Variants in ASH1L observed in about 807,000 individuals in gnomAD.
ASH1L encodes the protein histone-lysine N-methyltransferase ASH1L.
Under a neutral mutation model 269.0 loss-of-function variants are expected in ASH1L, and 23 were observed. The ratio of observed to expected loss-of-function variants is 0.09; its 90% CI spans 0.06 to 0.12. The LOEUF is 0.12. Ranked by LOEUF, ASH1L falls within the 10% of genes least tolerant of loss-of-function variation. ASH1L has a pLI of 1.00. For missense variants in ASH1L, 2,912 were observed against 3,567.8 expected (o/e 0.82, Z 4.68); for synonymous variants, 1,187 against 1,253.5 (o/e 0.95, Z 1.12).
chr1:155,400,175 G>T (rs1231972267), intron 6 of ASH1L, among the ~76,000 whole-genome samples: 2 of 151,842 alleles, frequency 1.3e-5, no homozygotes, highest in Admixed American at 1.3e-4. Flanking sequence ...GTGAAACCCC[G>T]TCTCTACTAA....
At chr1:155,417,834 C>G (rs116353487) in intron 5 of ASH1L, among the ~76,000 whole-genome samples, 1 of 151,886 alleles carries the variant, frequency 6.6e-6, no homozygotes, top group African/African-American at 2.4e-5. Context: ...GGTGCAAGCC[C>G]GTAGTCCCAG....
Position 155,395,228 on chromosome 1 carries a change from T to C in ASH1L, c.6103+231A>G, listed in dbSNP as rs193112569. ...GATTATAGGCATGAGCCACCATGCC[T>C]GGCCCAGTGTTATTTATTAAGGCTC... On this transcript the variant is annotated intron_variant, in intron 7 of 27. Coordinates refer to ENST00000392403, the MANE Select transcript of ASH1L (RefSeq NM_018489.3). Among the ~76,000 whole-genome samples, 737 of 152,308 alleles carry C rather than the reference T, an allele frequency of 4.8e-3. 3 individuals are homozygous for C. The highest frequency in any genetic ancestry group is 0.01 in the Middle Eastern group (3 of 294).
intron 5 of ASH1L, among the ~76,000 whole-genome samples, chr1:155,422,944 G>A (rs1052526405): frequency 4.3e-5 from 6 of 140,504 alleles, no homozygotes; most frequent in Non-Finnish European, 7.7e-5. Flanking sequence ...CCATTGAGCT[G>A]GCCTTTCTTT....
intron 4 of ASH1L, among the ~76,000 whole-genome samples, chr1:155,457,939 C>G (rs1306512617): frequency 3.3e-5 from 5 of 152,094 alleles, no homozygotes; most frequent in Non-Finnish European, 7.4e-5. Context: ...ATATTTTAGG[C>G]TTTTGAGGAC....
chr1:155,450,218 T>C (rs1663363862), intron 4 of ASH1L, among the ~76,000 whole-genome samples: 1 of 152,238 alleles, frequency 6.6e-6, no homozygotes, highest in South Asian at 2.1e-4. Context: ...TTTTAAGATT[T>C]TCTCTTTACA....
At chr1:155,344,101 T>C (rs1653032468) in intron 22 of ASH1L, 82 bp downstream of exon 22, 2 of 1,240,030 alleles carry the variant, frequency 1.6e-6, no homozygotes, top group Non-Finnish European at 2.3e-6. Context: ...ATGGAGACAA[T>C]GACTATGATG....
rs1672083197 is a variant in ASH1L at position 155,562,487 on chromosome 1, G to A, written c.-434C>T. On this transcript the variant is annotated 5_prime_UTR_variant, in exon 1 of 28. Coordinates refer to ENST00000392403, the MANE Select transcript of ASH1L (RefSeq NM_018489.3). ...CGGTGGCGGCGGCAGCTCCTCCAGAGGGAGGGAGCGAAGGGCGCCTAGCGC... is the reference window on the plus strand; with the variant it reads ...CGGTGGCGGCGGCAGCTCCTCCAGAAGGAGGGAGCGAAGGGCGCCTAGCGC... 3.4e-6 allele frequency: 5 copies of A among 1,475,088 alleles called. No individual in the cohort carries two copies. Among genetic ancestry groups the A allele is most frequent in the East Asian group, 2.5e-5 (1 of 40,352 alleles). The allele number at this position is 1,475,088 out of a possible 1,614,324, so 91.4% of individuals were successfully genotyped here. A position where few individuals can be genotyped will look rare whatever the true frequency, so the allele number is the denominator to read the frequency against.
At chr1:155,446,040 T>C (rs1322752683) in intron 4 of ASH1L, among the ~76,000 whole-genome samples, 1 of 149,938 alleles carries the variant, frequency 6.7e-6, no homozygotes, top group Non-Finnish European at 1.5e-5. Flanking sequence ...CTGTACTTTT[T>C]TTTTTTTTTT....
At chr1:155,337,854 GA>G (rs1652439076) in intron 27 of ASH1L, 103 bp from the exon 28 acceptor site, 1 of 1,227,184 alleles carries the variant, frequency 8.1e-7, no homozygotes, top group Non-Finnish European at 1.2e-6. Flanking sequence ...TTCCTTTTCT[GA>G]CCTATAAGCA....
intron 13 of ASH1L, among the ~76,000 whole-genome samples, chr1:155,358,412 C>T (rs1384001558): frequency 6.6e-6 from 1 of 152,082 alleles, no homozygotes; most frequent in South Asian, 2.1e-4. Context: ...AAAGGCCAGG[C>T]ATGGTGGCTC....
intron 6 of ASH1L, among the ~76,000 whole-genome samples, chr1:155,400,491 C>G (rs929272716): frequency 6.6e-6 from 1 of 152,122 alleles, no homozygotes; most frequent in South Asian, 2.1e-4. Flanking sequence ...AACTGAGTAA[C>G]AGGTACTATT....
At chr1:155,459,256 A>C (rs1664109707) in intron 4 of ASH1L, among the ~76,000 whole-genome samples, 1 of 151,700 alleles carries the variant, frequency 6.6e-6, no homozygotes, top group South Asian at 2.1e-4. Context: ...AAAGCAGTGG[A>C]GTGATCTCCG....
chr1:155,354,395 A>T, intron 16 of ASH1L, 78 bp downstream of exon 16: 1 of 1,372,702 alleles, frequency 7.3e-7, no homozygotes, highest in Non-Finnish European at 1.0e-6. Context: ...GTGAGCCTAG[A>T]TCATGCCATT....
At chr1:155,432,250 A>T (rs1023186611) in intron 5 of ASH1L, among the ~76,000 whole-genome samples, 1 of 152,124 alleles carries the variant, frequency 6.6e-6, no homozygotes, top group Non-Finnish European at 1.5e-5. Context: ...CACTCCTTTA[A>T]ATAACAGATG....
intron 1 of ASH1L, among the ~76,000 whole-genome samples, chr1:155,529,645 C>A (rs1669522827): frequency 6.6e-6 from 1 of 152,106 alleles, no homozygotes; most frequent in Non-Finnish European, 1.5e-5. Flanking sequence ...TTGCTTCAAC[C>A]CTCATATCTC....
At chr1:155,411,625 ATCC>A (rs1218715517) in intron 6 of ASH1L, among the ~76,000 whole-genome samples, 1 of 131,406 alleles carries the variant, frequency 7.6e-6, no homozygotes, top group Non-Finnish European at 1.6e-5. Flanking sequence ...ATATGTTTTC[ATCC>A]ATGGTTCCTG....
In ASH1L at chr1:155,378,299, A is replaced by G; in HGVS notation, c.6314T>C (p.Val2105Ala). Reference sequence around the variant, plus strand: ...ACAGTACCTATTGAGGCAGTCATCAACACAGCCCTTCCTGGTGTCATCATC... The same window carrying G: ...ACAGTACCTATTGAGGCAGTCATCAGCACAGCCCTTCCTGGTGTCATCATC... ...KPDDDTRKGC[V>A]DDCLNRMIFA... Residue 2105 changes from valine to alanine, a missense_variant, in exon 10 of 28, where the codon GTT (valine) becomes GCT (alanine). Val to Ala is a moderately conservative substitution (Grantham distance 64). Coordinates refer to ENST00000392403, the MANE Select transcript of ASH1L (RefSeq NM_018489.3). The G allele has an allele frequency of 4.3e-6, 7 of 1,614,108 alleles. No individual in the cohort carries two copies. Among genetic ancestry groups the G allele is most frequent in the African/African-American group, 1.3e-5 (1 of 75,058 alleles).
chr1:155,456,238 C>T (rs1571259938), intron 4 of ASH1L, among the ~76,000 whole-genome samples: 1 of 152,324 alleles, frequency 6.6e-6, no homozygotes, highest in South Asian at 2.1e-4. Context: ...TTTGCTTGCT[C>T]TGCACACCTA....
intron 3 of ASH1L, among the ~76,000 whole-genome samples, chr1:155,467,729 AC>A (rs1016344322): frequency 2.6e-5 from 4 of 152,036 alleles, no homozygotes; most frequent in African/African-American, 9.7e-5. Flanking sequence ...TGCCTGTTTT[AC>A]CCCCAACCAA....
Sources: gnomAD v4.1 joint callset for allele counts (sites outside exome capture counted in the v4.1 genomes callset) on GRCh38, gnomAD v4.1.1 for gene constraint, MANE v1.5 for transcripts, NCBI Gene and HGNC (gene_info 2026-07-23, HGNC 2026-07-21) for gene names.